The following ZNF449 variants were observed in gnomAD, a reference collection of about 807,000 sequenced individuals.
ZNF449 encodes zinc finger and SCAN domain-containing protein 19.
Under a neutral mutation model 32.6 loss-of-function variants are expected in ZNF449, and 4 were observed. The observed-to-expected ratio is 0.12, with a 90% confidence interval of 0.06 to 0.28. The LOEUF (loss-of-function observed/expected upper bound fraction) is 0.28, where lower values mean the gene tolerates loss of function less well. ZNF449 is among the 10% of genes least tolerant of loss of function. ZNF449 has a pLI of 1.00. For synonymous variants in ZNF449, 123 were observed against 132.2 expected, an observed-to-expected ratio of 0.93 and a Z score of 0.48; for missense variants, 275 against 383.2, an observed-to-expected ratio of 0.72 and a Z score of 2.36.
At chrX:135,345,399 G>A (rs1556447713) in intron 1 of ZNF449, among the ~76,000 whole-genome samples, 1 of 111,685 alleles carries the variant, frequency 9.0e-6, no homozygotes, top group Non-Finnish European at 1.9e-5. Flanking sequence ...TGAGGCTGGC[G>A]CAGATTAACG....
intron 3 of ZNF449, among the ~76,000 whole-genome samples, chrX:135,351,692 C>CGG: frequency 1.0e-5 from 1 of 99,202 alleles, no homozygotes; most frequent in South Asian, 4.5e-4. Flanking sequence ...AAAACAAAAC[C>CGG]GGGTTTATGT....
intron 2 of ZNF449, 147 bp from the exon 3 acceptor site, chrX:135,348,963 C>T: frequency 1.1e-6 from 1 of 910,653 alleles, no homozygotes; most frequent in Non-Finnish European, 1.5e-6. Context: ...GATTAAGTAA[C>T]ACGTACTATT....
At chrX:135,358,716 A>G (rs1405404571) in intron 3 of ZNF449, among the ~76,000 whole-genome samples, 1 of 111,844 alleles carries the variant, frequency 8.9e-6, no homozygotes, top group African/African-American at 3.2e-5. Flanking sequence ...ATAAGTCAGT[A>G]TTTTGTACCT....
At position 135,352,872 on chromosome X, in the gene ZNF449, G is replaced by C. The variant is rs146368684; in HGVS notation, c.559+3558G>C. On this transcript the variant is annotated intron_variant, in intron 3 of 4. Transcript: ENST00000339249. ...TGAAGCCATTCCCTGAGTTTAGGAT[G>C]GGGGGAACATTCAATGAAGCACCTT... Among the ~76,000 whole-genome samples the C allele has an allele frequency of 6.0e-3, 674 of 111,960 alleles. 3 individuals are homozygous for C. The highest frequency in any genetic ancestry group is 8.4e-3 in the Non-Finnish European group (446 of 53,077).
Position 135,361,171 on chromosome X carries a change from G to C in ZNF449, c.*95G>C. On this transcript the variant is annotated 3_prime_UTR_variant, in exon 5 of 5. Transcript: ENST00000339249. ...CTGTTTGTCTTGGAAGCTTTTGTTT[G>C]AGCTTATAAGAACATAGACAGCTTT... is the stretch of plus-strand genomic sequence containing the variant. 2 of 812,743 alleles carry C rather than the reference G, an allele frequency of 2.5e-6. No individual in the cohort carries two copies. The highest frequency in any genetic ancestry group is 3.4e-6 in the Non-Finnish European group (2 of 585,391). 67.0% of individuals were successfully genotyped at this position (812,743 alleles called of 1,213,427 possible).
intron 3 of ZNF449, among the ~76,000 whole-genome samples, chrX:135,356,120 A>T (rs781949751): frequency 9.8e-5 from 11 of 112,145 alleles, no homozygotes; most frequent in Admixed American, 3.8e-4. Context: ...TGATGCTGCT[A>T]TAAAAATTTC....
At chrX:135,354,845 T>C (rs1556451430) in intron 3 of ZNF449, among the ~76,000 whole-genome samples, 1 of 111,805 alleles carries the variant, frequency 8.9e-6, no homozygotes, top group African/African-American at 3.3e-5. Context: ...CAGATTCTGC[T>C]TCCAGGGCTA....
intron 2 of ZNF449, chrX:135,348,685 G>A: frequency 4.2e-6 from 4 of 955,508 alleles, no homozygotes; most frequent in Non-Finnish European, 4.1e-6. Flanking sequence ...TTGGGTTGGT[G>A]GTTGCCCTTC....
Position 135,347,374 on chromosome X carries a change from A to G in ZNF449, c.256A>G (p.Ile86Val), listed in dbSNP as rs1556448678. 1 of 1,212,230 alleles carries G rather than the reference A, an allele frequency of 8.2e-7. No individual in the cohort carries two copies. The highest frequency in any genetic ancestry group is 2.2e-5 in the Admixed American group (1 of 46,119). The change falls in exon 2 of 5, where the codon ATA becomes GTA. Residue 86 changes from isoleucine to valine, a missense_variant. Ile to Val is a conservative substitution (Grantham distance 29, BLOSUM62 3). Around this residue, in one of 3 missense-constraint regions of ZNF449, gnomAD observed 165 missense variants for 175.0 expected, o/e 0.94. Transcript: ENST00000339249. ...ATTCCTAACTATCCTGCCCACAGAG[A>G]TAGAGACCTGGGTGAGGGAGCACTG... ...EQFLTILPTE[I>V]ETWVREHCPE...
At position 135,356,321 on chromosome X, in the gene ZNF449, C is replaced by T. The variant is rs782136959; in HGVS notation, c.560-3571C>T. On this transcript the variant is annotated intron_variant, in intron 3 of 4. Transcript: ENST00000339249. ...CACTCTTATTTCTTCACATCCTAGG[C>T]GACATTTATTATTATTATTTGACAT... is the stretch of plus-strand genomic sequence containing the variant. Among the ~76,000 whole-genome samples the T allele has an allele frequency of 1.4e-4, 16 of 111,258 alleles. No individual in the cohort carries two copies. In the East Asian group the frequency reaches 2.8e-3, roughly 19 times the overall value.
At position 135,360,207 on chromosome X, in the gene ZNF449, A is replaced by T. The variant is rs1279265189; in HGVS notation, c.688A>T (p.Ile230Leu). The T allele has an allele frequency of 3.4e-6, 4 of 1,182,136 alleles. No homozygotes were observed. The highest frequency in any genetic ancestry group is 4.5e-6 in the Non-Finnish European group (4 of 884,427). ...TCTTCTCTCAGGTTTTGAGATCGGG[A>T]TAGAAAATGAAGAAGATACTTCAAA... The part of the protein sequence containing the change: ...LDSKIGFEIG[I>L]ENEEDTSKQK... Residue 230 changes from isoleucine (I) to leucine (L), a missense_variant, in exon 5 of 5, where the codon ATA becomes TTA. Around this residue, in one of 3 missense-constraint regions of ZNF449, gnomAD observed 165 missense variants for 175.0 expected, o/e 0.94. Transcript: ENST00000339249.
intron 2 of ZNF449, chrX:135,347,780 G>A (rs1420683169): frequency 5.4e-5 from 33 of 615,924 alleles, no homozygotes; most frequent in Non-Finnish European, 7.6e-5. Context: ...TGGCCTGAAG[G>A]CCAATTCTAG....
chrX:135,357,758 G>GT (rs1556452341), intron 3 of ZNF449, among the ~76,000 whole-genome samples: 1 of 111,022 alleles, frequency 9.0e-6, no homozygotes, highest in African/African-American at 3.3e-5. Flanking sequence ...AGTAACAGGG[G>GT]TTTTTTTGTT....
rs1569498095 is a variant in ZNF449 at position 135,359,991 on chromosome X, T to C, written c.659T>C (p.Leu220Pro). ...GATTCTAAAGAAATGAAACAATTAC[T>C]TGATTCCAAGATAGGTAAGTAATTG... The part of the protein sequence containing the change: ...LQDSKEMKQL[L>P]DSKIGFEIGI... Residue 220 changes from leucine (L) to proline (P), a missense_variant, in exon 4 of 5, where the codon CTT becomes CCT. Coordinates refer to ENST00000339249, the MANE Select transcript of ZNF449 (RefSeq NM_152695.6). The C allele has an allele frequency of 8.5e-7, 1 of 1,183,133 alleles. No individual in the cohort carries two copies.
intron 3 of ZNF449, among the ~76,000 whole-genome samples, chrX:135,356,805 T>C (rs2084920602): frequency 8.9e-6 from 1 of 111,883 alleles, no homozygotes; most frequent in African/African-American, 3.2e-5. Flanking sequence ...AGAATATATT[T>C]ATTATTCATT....
Position 135,363,119 on chromosome X carries a change from T to A in ZNF449, c.*2043T>A, listed in dbSNP as rs1292561973. On this transcript the variant is annotated 3_prime_UTR_variant, in exon 5 of 5. Transcript: ENST00000339249. ...CAACTGCTCTGTATTTATGCAATAT[T>A]TGAATAAAGCGGAAATGTATGTGCT... 8.9e-6 allele frequency: 1 copy of A among 112,314 alleles called. No homozygotes were observed. Among genetic ancestry groups the A allele is most frequent in the Non-Finnish European group, 1.9e-5 (1 of 53,270 alleles). The allele number at this position is 112,314 out of a possible 1,213,427, so 9.3% of individuals were successfully genotyped here.
At chrX:135,350,354 G>A (rs906178906) in intron 3 of ZNF449, among the ~76,000 whole-genome samples, 6 of 111,399 alleles carry the variant, frequency 5.4e-5, no homozygotes, top group African/African-American at 1.3e-4. Flanking sequence ...GCTTTGGCCC[G>A]AGTGTGGCCA....
At chrX:135,351,131 C>T (rs982722954) in intron 3 of ZNF449, among the ~76,000 whole-genome samples, 6 of 111,123 alleles carry the variant, frequency 5.4e-5, no homozygotes, top group Non-Finnish European at 9.4e-5. Context: ...TCTCCAGTAC[C>T]AGAATGATAC....
Position 135,361,176 on chromosome X carries a change from T to G in ZNF449, c.*100T>G. 1.3e-6 allele frequency: 1 copy of G among 776,915 alleles called. No individual in the cohort carries two copies. The highest frequency in any genetic ancestry group is 1.8e-6 in the Non-Finnish European group (1 of 552,889). 64.0% of individuals were successfully genotyped at this position (776,915 alleles called of 1,213,427 possible). On this transcript the variant is annotated 3_prime_UTR_variant, in exon 5 of 5. Transcript: ENST00000339249. ...TGTCTTGGAAGCTTTTGTTTGAGCT[T>G]ATAAGAACATAGACAGCTTTTTTTT...
Sources: allele counts gnomAD v4.1 joint callset (sites outside exome capture counted in the v4.1 genomes callset), GRCh38; gene constraint gnomAD v4.1.1; regional missense constraint gnomAD v4.1.1; transcripts MANE v1.5; gene names NCBI Gene and HGNC (gene_info 2026-07-23, HGNC 2026-07-21).